Variants in DGKB observed in about 807,000 individuals in gnomAD.
DGKB encodes diacylglycerol kinase beta, also known as 90 kDa diacylglycerol kinase.
A neutral mutation model predicts 114.3 loss-of-function variants in DGKB; 67 were observed. That is an observed-to-expected ratio of 0.59 (90% CI 0.48 to 0.72). The LOEUF is 0.72. DGKB is among the 30% of genes least tolerant of loss of function. The pLI is 0.00. For synonymous variants in DGKB, 398 were observed against 323.1 expected (o/e 1.23, Z -2.49); for missense variants, 907 against 975.2 (o/e 0.93, Z 0.93).
intron 1 of DGKB, among the ~76,000 whole-genome samples, chr7:14,915,624 TAA>T (rs1228774347): frequency 6.6e-6 from 1 of 152,150 alleles, no homozygotes; most frequent in Admixed American, 6.5e-5. Context: ...ACTGTGCCTC[TAA>T]TCAGAAACAA....
intron 21 of DGKB, among the ~76,000 whole-genome samples, chr7:14,419,963 C>G (rs1327509074): frequency 6.6e-6 from 1 of 151,970 alleles, no homozygotes; most frequent in African/African-American, 2.4e-5. Context: ...CATCTAATTT[C>G]TTAAATAATG....
intron 13 of DGKB, among the ~76,000 whole-genome samples, chr7:14,655,797 C>T (rs1330666095): frequency 6.6e-6 from 1 of 151,572 alleles, no homozygotes; most frequent in Admixed American, 6.6e-5. Context: ...ATCAATACCA[C>T]ATTCTTACTT....
At chr7:14,658,347 T>C (rs748739063) in intron 13 of DGKB, among the ~76,000 whole-genome samples, 18 of 151,954 alleles carry the variant, frequency 1.2e-4, no homozygotes, top group African/African-American at 1.7e-4. Flanking sequence ...TTCTCATTCA[T>C]ATGTGGGAGT....
chr7:14,171,255 C>T (rs1375582976), intron 25 of DGKB, among the ~76,000 whole-genome samples: 2 of 152,164 alleles, frequency 1.3e-5, no homozygotes, highest in Admixed American at 1.3e-4. Flanking sequence ...TCAGCTATCA[C>T]TTTGTAGAGT....
At chr7:14,780,793 CT>C (rs1838972204) in intron 2 of DGKB, among the ~76,000 whole-genome samples, 1 of 152,128 alleles carries the variant, frequency 6.6e-6, no homozygotes, top group South Asian at 2.1e-4. Context: ...TATAAGTTGC[CT>C]TTTTAACATT....
intron 16 of DGKB, 21 bp from the exon 17 acceptor site, chr7:14,607,529 G>A (rs201546335): frequency 1.8e-4 from 212 of 1,209,706 alleles, no homozygotes; most frequent in Admixed American, 1.7e-3. Context: ...GAAAATGTGG[G>A]GAAAAAATTT....
At chr7:14,497,968 T>C (rs977613101) in intron 20 of DGKB, among the ~76,000 whole-genome samples, 3 of 151,910 alleles carry the variant, frequency 2.0e-5, no homozygotes, top group Non-Finnish European at 2.9e-5. Context: ...ACATTTAACT[T>C]TATTGACACA....
At chr7:14,322,263 A>C (rs909118911) in intron 23 of DGKB, among the ~76,000 whole-genome samples, 3 of 152,146 alleles carry the variant, frequency 2.0e-5, no homozygotes, top group Non-Finnish European at 2.9e-5. Context: ...CCCAAAGCTT[A>C]AAATATCTAC....
chr7:14,316,903 G>C (rs1225967933), intron 23 of DGKB, among the ~76,000 whole-genome samples: 2 of 93,242 alleles, frequency 2.1e-5, no homozygotes, highest in South Asian at 5.3e-4. Flanking sequence ...CTGGCAAACC[G>C]AATCCAGCAG....
At chr7:14,716,705 T>C (rs1413247972) in intron 6 of DGKB, among the ~76,000 whole-genome samples, 1 of 151,994 alleles carries the variant, frequency 6.6e-6, no homozygotes, top group African/African-American at 2.4e-5. Flanking sequence ...ATGAGGAAGA[T>C]TGATTGTTAT....
intron 13 of DGKB, among the ~76,000 whole-genome samples, chr7:14,640,197 T>A (rs73053239): frequency 0.13 from 19,201 of 152,180 alleles, 1,987 homozygotes; most frequent in East Asian, 0.49. Context: ...CTTGTCTGGG[T>A]TTTTCCTATT....
chr7:14,152,054 C>G (rs890884704), intron 25 of DGKB, among the ~76,000 whole-genome samples: 1 of 152,008 alleles, frequency 6.6e-6, no homozygotes, highest in African/African-American at 2.4e-5. Flanking sequence ...GGGGGGTTAA[C>G]AGGGCCTGTA....
intron 20 of DGKB, among the ~76,000 whole-genome samples, chr7:14,559,671 G>T (rs1046954323): frequency 1.3e-5 from 2 of 152,114 alleles, no homozygotes; most frequent in Non-Finnish European, 2.9e-5. Context: ...AAAACTTGAT[G>T]CATTGAAAAT....
intron 21 of DGKB, among the ~76,000 whole-genome samples, chr7:14,439,190 G>A (rs1829712648): frequency 6.6e-6 from 1 of 152,046 alleles, no homozygotes; most frequent in African/African-American, 2.4e-5. Flanking sequence ...ACATTTGACA[G>A]TGGCCTCATT....
chr7:14,564,518 T>C (rs952439314), intron 20 of DGKB, among the ~76,000 whole-genome samples: 1 of 152,180 alleles, frequency 6.6e-6, no homozygotes, highest in African/African-American at 2.4e-5. Context: ...TGAAGCTATA[T>C]GTTTGTCAGG....
At chr7:14,278,521 C>G (rs1438390443) in intron 23 of DGKB, among the ~76,000 whole-genome samples, 1 of 152,094 alleles carries the variant, frequency 6.6e-6, no homozygotes, top group Non-Finnish European at 1.5e-5. Context: ...AAACACAAGA[C>G]CTAAAACTAT....
chr7:14,676,201 A>G (rs1819827201), intron 12 of DGKB, among the ~76,000 whole-genome samples: 1 of 148,838 alleles, frequency 6.7e-6, no homozygotes, highest in Non-Finnish European at 1.5e-5. Flanking sequence ...AGATACTGGT[A>G]ATATTTTGTT....
chr7:14,966,944 TAAG>T (rs1787190352), intron 1 of DGKB, among the ~76,000 whole-genome samples: 1 of 152,174 alleles, frequency 6.6e-6, no homozygotes, highest in Non-Finnish European at 1.5e-5. Context: ...AATTTCATCT[TAAG>T]GAAATATTAT....
intron 21 of DGKB, among the ~76,000 whole-genome samples, chr7:14,457,766 T>TA: frequency 6.6e-6 from 1 of 152,330 alleles, no homozygotes; most frequent in African/African-American, 2.4e-5. Flanking sequence ...CTATGACAGA[T>TA]TGCTAACATT....
Sources: gnomAD v4.1 joint callset for allele counts (sites outside exome capture counted in the v4.1 genomes callset) on GRCh38, gnomAD v4.1.1 for gene constraint, MANE v1.5 for transcripts, NCBI Gene and HGNC (gene_info 2026-07-23, HGNC 2026-07-21) for gene names.